The following VPS13B variants were observed in gnomAD, a reference collection of about 807,000 sequenced individuals.
The protein encoded by VPS13B is vacuolar protein sorting 13 homolog B, also known as intermembrane lipid transfer protein VPS13B.
A neutral mutation model predicts 426.4 loss-of-function variants in VPS13B; 285 were observed. The ratio of observed to expected loss-of-function variants is 0.67; its 90% CI spans 0.61 to 0.74. The LOEUF (loss-of-function observed/expected upper bound fraction) is 0.74. Among genes scored for constraint, VPS13B ranks in the 30% least tolerant of loss-of-function variants. VPS13B has a pLI of 0.00. For missense variants in VPS13B, 4,537 were observed against 4,782.6 expected (o/e 0.95, Z 1.51); for synonymous variants, 1,676 against 1,676.4 (o/e 1.00, Z 0.01).
chr8:99,605,930 G>A (rs1260922026), intron 33 of VPS13B, among the ~76,000 whole-genome samples: 2 of 152,110 alleles, frequency 1.3e-5, no homozygotes, highest in Admixed American at 1.3e-4. Flanking sequence ...AGGTCCCACT[G>A]TATCACCCAG....
At chr8:99,401,613 C>G (rs1815042100) in intron 21 of VPS13B, among the ~76,000 whole-genome samples, 1 of 152,130 alleles carries the variant, frequency 6.6e-6, no homozygotes, top group Non-Finnish European at 1.5e-5. Context: ...CACCTGTAAT[C>G]CCAGCACTTT....
chr8:99,419,611 G>T (rs572685520), intron 21 of VPS13B, among the ~76,000 whole-genome samples: 3 of 152,032 alleles, frequency 2.0e-5, no homozygotes, highest in South Asian at 4.2e-4. Flanking sequence ...TACTGGCTTG[G>T]CTATCAGTTT....
intron 17 of VPS13B, among the ~76,000 whole-genome samples, chr8:99,244,560 T>C (rs1363691709): frequency 6.6e-6 from 1 of 152,230 alleles, no homozygotes; most frequent in African/African-American, 2.4e-5. Flanking sequence ...AGAAAAATAT[T>C]CTGAGGACCT....
At chr8:99,631,736 A>T (rs958348380) in intron 33 of VPS13B, among the ~76,000 whole-genome samples, 1 of 151,736 alleles carries the variant, frequency 6.6e-6, no homozygotes, top group East Asian at 1.9e-4. Flanking sequence ...TTATATATAC[A>T]TATATATATT....
intron 39 of VPS13B, among the ~76,000 whole-genome samples, chr8:99,748,516 ATG>A (rs1360418818): frequency 3.9e-5 from 6 of 152,030 alleles, no homozygotes; most frequent in Admixed American, 3.9e-4. Flanking sequence ...GGCTGCTCTT[ATG>A]GGAAATCAGG....
rs1819178777 is a variant in VPS13B, at chr8:99,467,604, G to A, written c.3636G>A (p.Glu1212=). Residue 1212 remains glutamate (E), a synonymous_variant, in exon 24 of 62, where the codon GAG becomes GAA. Coordinates refer to ENST00000357162, the MANE Select transcript of VPS13B (RefSeq NM_152564.5). ...SFVVCLHVDL[E]SLEIKCSNPQ... Reference sequence around the variant, plus strand: ...TTGTCTGTCTCCATGTTGACCTAGAGTCACTAGAGATAAAATGCTCTAATC... The same window carrying A: ...TTGTCTGTCTCCATGTTGACCTAGAATCACTAGAGATAAAATGCTCTAATC... 1 of 1,612,286 alleles carries A rather than the reference G, an allele frequency of 6.2e-7. No homozygotes were observed. The highest frequency in any genetic ancestry group is 8.5e-7 in the Non-Finnish European group (1 of 1,179,782).
chr8:99,395,947 GAAAT>G (rs1164559823), intron 21 of VPS13B, among the ~76,000 whole-genome samples: 1 of 151,896 alleles, frequency 6.6e-6, no homozygotes, highest in Non-Finnish European at 1.5e-5. Context: ...TAAAATATCT[GAAAT>G]AAAAAAATTT....
chr8:99,249,873 C>T (rs1449726403), intron 17 of VPS13B, among the ~76,000 whole-genome samples: 1 of 151,626 alleles, frequency 6.6e-6, no homozygotes, highest in Non-Finnish European at 1.5e-5. Context: ...CTTCGCACTG[C>T]GTTTTAGCCT....
intron 3 of VPS13B, among the ~76,000 whole-genome samples, chr8:99,056,295 A>C (rs959867753): frequency 6.6e-6 from 1 of 152,096 alleles, no homozygotes; most frequent in Admixed American, 6.5e-5. Flanking sequence ...TCCTGGGCTC[A>C]AGCGATCTGC....
chr8:99,271,624 G>A (rs183747643), intron 17 of VPS13B, among the ~76,000 whole-genome samples: 97 of 152,308 alleles, frequency 6.4e-4, no homozygotes, highest in Non-Finnish European at 1.1e-3. Context: ...AAAAAGGAAA[G>A]ACACTTGATT....
intron 33 of VPS13B, among the ~76,000 whole-genome samples, chr8:99,604,495 GTTTTTTTTTTTT>G (rs767971168): frequency 8.7e-6 from 1 of 115,260 alleles, no homozygotes; most frequent in Non-Finnish European, 1.8e-5. Context: ...TTTCCTTGGT[GTTTTTTTTTTTT>G]TTTTTTTTTT....
intron 30 of VPS13B, 83 bp from the exon 31 acceptor site, chr8:99,556,367 A>G: frequency 7.0e-7 from 1 of 1,422,404 alleles, no homozygotes; most frequent in East Asian, 2.4e-5. Context: ...TATTGACACT[A>G]TGTTAGTGAA....
intron 17 of VPS13B, among the ~76,000 whole-genome samples, chr8:99,235,787 T>C (rs1816610641): frequency 6.6e-6 from 1 of 152,208 alleles, no homozygotes; most frequent in African/African-American, 2.4e-5. Context: ...TCGTTTTCCC[T>C]CAGTTCTTTC....
Position 99,056,409 on chromosome 8 carries a change from T to A in VPS13B, c.291+17843T>A, listed in dbSNP as rs1347694835. On this transcript the variant is annotated intron_variant, in intron 3 of 61. Coordinates refer to ENST00000357162, the MANE Select transcript of VPS13B (RefSeq NM_152564.5). Reference sequence around the variant, plus strand: ...ACATTTGCCAGATTCGTTTGTTAGCTGTAGTAGTTTTTGGTGGATTCTGTG... The same window carrying A: ...ACATTTGCCAGATTCGTTTGTTAGCAGTAGTAGTTTTTGGTGGATTCTGTG... Among the ~76,000 whole-genome samples the A allele has an allele frequency of 2.0e-5, 3 of 152,192 alleles. 1 individual carries two copies.
intron 19 of VPS13B, among the ~76,000 whole-genome samples, chr8:99,316,927 T>A (rs1470963954): frequency 1.3e-5 from 2 of 152,214 alleles, no homozygotes; most frequent in Admixed American, 6.5e-5. Context: ...TCTTTTTTTC[T>A]GTTTTAGTGA....
intron 17 of VPS13B, among the ~76,000 whole-genome samples, chr8:99,216,001 C>T (rs1237515224): frequency 6.6e-6 from 1 of 152,136 alleles, no homozygotes; most frequent in Non-Finnish European, 1.5e-5. Context: ...GCTTTTTATT[C>T]TAGTCACAGA....
intron 3 of VPS13B, among the ~76,000 whole-genome samples, chr8:99,073,709 T>C (rs1022293827): frequency 1.1e-4 from 16 of 150,634 alleles, no homozygotes; most frequent in African/African-American, 3.6e-4. Context: ...CTTTTTTTTT[T>C]TTTTTTTTTT....
intron 43 of VPS13B, among the ~76,000 whole-genome samples, chr8:99,800,890 A>C (rs1408419747): frequency 6.6e-6 from 1 of 152,184 alleles, no homozygotes; most frequent in African/African-American, 2.4e-5. Context: ...ATTAAGCCTT[A>C]ATGTTTGCTA....
intron 43 of VPS13B, among the ~76,000 whole-genome samples, chr8:99,795,482 G>C: frequency 6.6e-6 from 1 of 152,122 alleles, no homozygotes; most frequent in East Asian, 1.9e-4. Context: ...TTTTGTTACA[G>C]TAGTATCCCA....
Sources: allele counts gnomAD v4.1 joint callset (sites outside exome capture counted in the v4.1 genomes callset), GRCh38; gene constraint gnomAD v4.1.1; transcripts MANE v1.5; gene names NCBI Gene and HGNC (gene_info 2026-07-23, HGNC 2026-07-21).